Variants in TXLNB observed in about 807,000 individuals in gnomAD.
The protein encoded by TXLNB is taxilin beta.
In TXLNB, 37 loss-of-function variants were observed where a neutral mutation model predicts 57.4. That is an observed-to-expected ratio of 0.64 (90% confidence interval 0.50 to 0.85). TXLNB has a LOEUF of 0.85. TXLNB is among the 40% of genes least tolerant of loss of function. The probability of loss-of-function intolerance (pLI) is 0.00; values close to 1 mark genes in which losing one functional copy is unlikely to be tolerated. For missense variants in TXLNB, 848 were observed against 825.6 expected (o/e 1.03, Z -0.33); for synonymous variants, 302 against 309.6 (o/e 0.98, Z 0.26).
At chr6:139,169,110 C>T in the TXLNB span, among the ~76,000 whole-genome samples, 6 of 152,142 alleles carry the variant, frequency 3.9e-5, no homozygotes, top group South Asian at 2.1e-4. Flanking sequence ...TATAAACTTA[C>T]CATCTTCCAT....
chr6:139,255,262 A>G (rs1776306343), intron 7 of TXLNB: 1 of 390,800 alleles, frequency 2.6e-6, no homozygotes, highest in Non-Finnish European at 4.9e-6. Flanking sequence ...GGAAATAAGA[A>G]GTGCTAGATG....
chr6:139,268,483 C>A (rs557086778), intron 4 of TXLNB, among the ~76,000 whole-genome samples: 8 of 152,050 alleles, frequency 5.3e-5, no homozygotes, highest in African/African-American at 1.9e-4. Flanking sequence ...CATGTATGAT[C>A]GGCTATAAAA....
chr6:139,262,104 C>T (rs1363156159), intron 5 of TXLNB, among the ~76,000 whole-genome samples: 1 of 151,776 alleles, frequency 6.6e-6, no homozygotes, highest in Non-Finnish European at 1.5e-5. Context: ...GACGGGATTT[C>T]ACTATGTTGG....
At position 139,242,619 on chromosome 6, in the gene TXLNB, G is replaced by C. The variant is rs1374650968; in HGVS notation, c.1962C>G (p.Pro654=). 1.3e-6 allele frequency: 2 copies of C among 1,598,130 alleles called. No homozygotes were observed. The highest frequency in any genetic ancestry group is 1.7e-6 in the Non-Finnish European group (2 of 1,173,016). ...MVPACEPSRQ[P]PRAAAEELPV... ...GCAGCTCCTCTGCTGCTGCTCGTGG[G>C]GGCTGCCTACTGGGCTCGCATGCAG... Residue 654 remains proline, a synonymous_variant, in exon 10 of 10, where the codon CCC becomes CCG. Coordinates refer to ENST00000358430, the MANE Select transcript of TXLNB (RefSeq NM_153235.4).
chr6:139,262,503 T>C, intron 5 of TXLNB, 76 bp downstream of exon 5: 3 of 1,338,594 alleles, frequency 2.2e-6, no homozygotes, highest in Non-Finnish European at 3.0e-6. Context: ...GTAACTGTCT[T>C]ATTAACCAAG....
downstream of TXLNB, chr6:139,239,049 C>T (rs1382513238): frequency 6.6e-6 from 1 of 152,180 alleles, no homozygotes; most frequent in African/African-American, 2.4e-5. The surrounding 1 kb of genome is among the most constrained non-coding windows in gnomAD (Gnocchi z 4.7). Context: ...AATACCAGGC[C>T]AAAAGGAGCA....
chr6:139,234,568 G>T, the TXLNB span: 1 of 152,296 alleles, frequency 6.6e-6, no homozygotes, highest in African/African-American at 2.4e-5. Flanking sequence ...ACGTGGTGTT[G>T]GGCCTGTGGG....
intron 4 of TXLNB, among the ~76,000 whole-genome samples, chr6:139,267,048 AAT>A (rs1240150539): frequency 1.3e-5 from 2 of 151,972 alleles, no homozygotes; most frequent in African/African-American, 4.8e-5. Flanking sequence ...TTAAAAAAAA[AAT>A]AAAGATGTTT....
the TXLNB span, among the ~76,000 whole-genome samples, chr6:139,231,978 G>A: frequency 6.6e-6 from 1 of 152,152 alleles, no homozygotes; most frequent in Non-Finnish European, 1.5e-5. Flanking sequence ...TGACTGTGAG[G>A]AATTATACTG....
At chr6:139,244,765 A>T in intron 8 of TXLNB, 75 bp from the exon 9 acceptor site, 1 of 958,962 alleles carries the variant, frequency 1.0e-6, no homozygotes, top group Non-Finnish European at 1.7e-6. Flanking sequence ...TCCATATGTG[A>T]GACCAGGAGA....
chr6:139,218,499 T>A, the TXLNB span, among the ~76,000 whole-genome samples: 1 of 152,124 alleles, frequency 6.6e-6, no homozygotes, highest in Non-Finnish European at 1.5e-5. Flanking sequence ...ACACCTGTAA[T>A]CCCAGCACTT....
At chr6:139,285,962 G>A (rs1246293412) in intron 2 of TXLNB, among the ~76,000 whole-genome samples, 1 of 145,866 alleles carries the variant, frequency 6.9e-6, no homozygotes. Flanking sequence ...ATACCACCTA[G>A]CCTGTGTTTT....
chr6:139,278,750 A>G (rs1234717804), intron 2 of TXLNB, among the ~76,000 whole-genome samples: 1 of 152,248 alleles, frequency 6.6e-6, no homozygotes, highest in Non-Finnish European at 1.5e-5. Context: ...TCACGCCTGT[A>G]ATCCCAACAC....
At chr6:139,250,177 C>CTTTTTTTT (rs529236500) in intron 7 of TXLNB, among the ~76,000 whole-genome samples, 8 of 124,406 alleles carry the variant, frequency 6.4e-5, no homozygotes, top group Admixed American at 4.9e-4. Flanking sequence ...CCATGTCTGG[C>CTTTTTTTT]TTTTTTTTTT....
chr6:139,218,782 A>G, the TXLNB span, among the ~76,000 whole-genome samples: 3 of 152,138 alleles, frequency 2.0e-5, no homozygotes, highest in African/African-American at 7.2e-5. Flanking sequence ...ATTATTTGTT[A>G]ATTGATGATT....
At chr6:139,270,823 A>C (rs1776743530) in intron 3 of TXLNB, among the ~76,000 whole-genome samples, 197 bp from the exon 4 acceptor site, 1 of 152,226 alleles carries the variant, frequency 6.6e-6, no homozygotes. Context: ...AGAACACAGC[A>C]TTGATAGGTT....
At chr6:139,245,162 G>C (rs550605045) in intron 8 of TXLNB, among the ~76,000 whole-genome samples, 1 of 152,178 alleles carries the variant, frequency 6.6e-6, no homozygotes, top group Non-Finnish European at 1.5e-5. Flanking sequence ...CATTTATAGA[G>C]TGAGGTAGAG....
the TXLNB span, among the ~76,000 whole-genome samples, chr6:139,182,716 T>C: frequency 6.6e-6 from 1 of 152,230 alleles, no homozygotes; most frequent in Non-Finnish European, 1.5e-5. Flanking sequence ...ATATTTGAAA[T>C]AGTAATGTAT....
chr6:139,195,326 G>C, the TXLNB span, among the ~76,000 whole-genome samples: 1 of 152,148 alleles, frequency 6.6e-6, no homozygotes, highest in African/African-American at 2.4e-5. Context: ...TTTTATGATA[G>C]CTATATAATG....
Sources: allele counts gnomAD v4.1 joint callset (sites outside exome capture counted in the v4.1 genomes callset), GRCh38; gene constraint gnomAD v4.1.1; non-coding constraint Gnocchi (gnomAD v3.1); transcripts MANE v1.5; gene names NCBI Gene and HGNC (gene_info 2026-07-23, HGNC 2026-07-21).